UBE2E1: variants seen among roughly 807,000 people sequenced by gnomAD.
UBE2E1 encodes the protein ubiquitin-conjugating enzyme E2 E1.
In UBE2E1, 6 loss-of-function variants were observed where a neutral mutation model predicts 21.4. The observed-to-expected ratio is 0.28, with a 90% CI of 0.15 to 0.55. UBE2E1 has a LOEUF of 0.55. UBE2E1 is among the 20% of genes least tolerant of loss of function. The pLI, the probability that UBE2E1 is intolerant of heterozygous loss-of-function variation, is 0.93. For synonymous variants in UBE2E1, 87 were observed against 82.7 expected, an observed-to-expected ratio of 1.05 and a Z score of -0.28; for missense variants, 142 against 236.5, an observed-to-expected ratio of 0.60 and a Z score of 2.62.
chr3:23,815,137 C>T (rs975121890), intron 3 of UBE2E1, among the ~76,000 whole-genome samples: 7 of 152,118 alleles, frequency 4.6e-5, no homozygotes, highest in Non-Finnish European at 1.0e-4. Flanking sequence ...TTCGACACTA[C>T]ACTCGGTTAA....
rs1316874421 is a variant in UBE2E1 at position 23,853,390 on chromosome 3, G to A, written c.204-34177G>A. On this transcript the variant is annotated intron_variant, in intron 3 of 5. Transcript: ENST00000306627. The surrounding 1 kb of genome is among the most constrained non-coding windows in gnomAD (Gnocchi z 4.1). ...TTTTCTTGTCACCATTAAGTATGGTGTTGGCTGTGGGTTTATCATTAGTGT... is the reference window on the plus strand; with the variant it reads ...TTTTCTTGTCACCATTAAGTATGGTATTGGCTGTGGGTTTATCATTAGTGT... Among the ~76,000 whole-genome samples the A allele has an allele frequency of 1.3e-5, 2 of 152,208 alleles. No homozygotes were observed. Among genetic ancestry groups the A allele is most frequent in the Admixed American group, 6.5e-5 (1 of 15,284 alleles).
intron 3 of UBE2E1, among the ~76,000 whole-genome samples, chr3:23,859,772 G>A (rs868093796): frequency 6.6e-6 from 1 of 152,136 alleles, no homozygotes; most frequent in Non-Finnish European, 1.5e-5. Context: ...GTCTTCCCTG[G>A]TTTTTAAAGC....
intron 3 of UBE2E1, among the ~76,000 whole-genome samples, chr3:23,873,206 G>A (rs1389715839): frequency 1.3e-5 from 2 of 152,262 alleles, no homozygotes; most frequent in African/African-American, 4.8e-5. Flanking sequence ...AGTAAAAATG[G>A]TAAGTCATGT....
At chr3:23,890,207 G>A (rs570593152) in intron 5 of UBE2E1, among the ~76,000 whole-genome samples, 1 of 152,200 alleles carries the variant, frequency 6.6e-6, no homozygotes, top group East Asian at 1.9e-4. Context: ...AGTCTCTACT[G>A]AACTCAGCCT....
At chr3:23,832,886 A>AGGTGTGGTGGTGTGCCTG (rs1334581028) in intron 3 of UBE2E1, among the ~76,000 whole-genome samples, 3 of 151,948 alleles carry the variant, frequency 2.0e-5, no homozygotes, top group African/African-American at 7.3e-5. Context: ...ATTTTAAAAA[A>AGGTGTGGTGGTGTGCCTG]TAATCCAGGT....
rs1312695090 is a variant in UBE2E1, at chr3:23,806,529, G to A, written c.-34+441G>A. On this transcript the variant is annotated intron_variant, in intron 1 of 5. Transcript: ENST00000306627. This position sits in a 1 kb window ranked among gnomAD's most constrained non-coding sequence, Gnocchi z 6.5. ...GCCGACCCCCCCATTCCCCGCCGCA[G>A]CCCCTATCCCCCTACAGGAGTGGCG... Among the ~76,000 whole-genome samples, 1 of 151,418 alleles carries A rather than the reference G, an allele frequency of 6.6e-6. No individual in the cohort carries two copies. Among genetic ancestry groups the A allele is most frequent in the East Asian group, 2.0e-4 (1 of 5,062 alleles).
In UBE2E1 at chr3:23,848,040, C is replaced by G. The variant is rs111957265; in HGVS notation, c.203+36530C>G. 1.1e-3 allele frequency among the ~76,000 whole-genome samples: 162 copies of G among 152,166 alleles called. 2 individuals are homozygous for G. Among genetic ancestry groups the G allele is most frequent in the African/African-American group, 3.5e-3 (146 of 41,508 alleles). ...ACTTGCTGTAAACACTGTTCTGTAC[C>G]TTGGTTTTTTAACTTCAGATATCTT... On this transcript the variant is annotated intron_variant, in intron 3 of 5. Coordinates refer to ENST00000306627, the MANE Select transcript of UBE2E1 (RefSeq NM_003341.5).
intron 3 of UBE2E1, among the ~76,000 whole-genome samples, chr3:23,883,789 A>T (rs1424995584): frequency 1.3e-5 from 2 of 151,186 alleles, no homozygotes; most frequent in Non-Finnish European, 2.9e-5. Flanking sequence ...GGCGGCGCAC[A>T]CCTGTAGTCC....
chr3:23,889,360 T>C lies in UBE2E1; in HGVS notation c.484+101T>C, dbSNP rs72627059. The C allele has an allele frequency of 4.3e-3, 6,776 of 1,572,364 alleles. 159 individuals are homozygous for C. Among genetic ancestry groups the C allele is most frequent in the East Asian group, 0.041 (1,812 of 44,108 alleles). On this transcript the variant is annotated intron_variant, in intron 5 of 5. Coordinates refer to ENST00000306627, the MANE Select transcript of UBE2E1 (RefSeq NM_003341.5). ...ACAAAACTAATTTTTCTGCACAAGT[T>C]TGTGAATACAAAAACTAATCGGCTT...
intron 3 of UBE2E1, among the ~76,000 whole-genome samples, chr3:23,884,988 C>G (rs2125329299): frequency 6.6e-6 from 1 of 152,306 alleles, no homozygotes; most frequent in Middle Eastern, 3.4e-3. Context: ...GCCAGTGTCT[C>G]TAGACTTTCT....
chr3:23,833,617 G>A (rs1256003650), intron 3 of UBE2E1, among the ~76,000 whole-genome samples: 1 of 152,186 alleles, frequency 6.6e-6, no homozygotes, highest in African/African-American at 2.4e-5. Flanking sequence ...CTAGAGAGAA[G>A]ATAATTTCTT....
intron 3 of UBE2E1, among the ~76,000 whole-genome samples, chr3:23,818,051 C>A (rs1028459080): frequency 6.6e-6 from 1 of 152,012 alleles, no homozygotes; most frequent in Admixed American, 6.6e-5. Context: ...TAAGTGGTGG[C>A]CTTCAAAGTG....
chr3:23,861,871 C>T (rs1031221645), intron 3 of UBE2E1, among the ~76,000 whole-genome samples: 1 of 152,236 alleles, frequency 6.6e-6, no homozygotes, highest in African/African-American at 2.4e-5. Context: ...TTCTCCAAGC[C>T]CACATGTGAT....
Position 23,887,812 on chromosome 3 carries a change from A to G in UBE2E1, c.336+113A>G. 1 of 1,370,020 alleles carries G rather than the reference A, an allele frequency of 7.3e-7. No individual in the cohort carries two copies. The highest frequency in any genetic ancestry group is 1.5e-5 in the South Asian group (1 of 67,610). 84.9% of individuals were successfully genotyped at this position (1,370,020 alleles called of 1,614,324 possible). A position where few individuals can be genotyped will look rare whatever the true frequency, so the allele number is the denominator to read the frequency against. On this transcript the variant is annotated intron_variant, in intron 4 of 5. Transcript: ENST00000306627. The surrounding 1 kb of genome is among the most constrained non-coding windows in gnomAD (Gnocchi z 4.4). The stretch of plus-strand genomic sequence containing the variant: ...GAAACTAGATTTATCTTATGTCCTA[A>G]TAGATCTGAGTATTTTAACATATAC...
At chr3:23,888,589 G>A (rs1701255042) in intron 4 of UBE2E1, among the ~76,000 whole-genome samples, 1 of 152,186 alleles carries the variant, frequency 6.6e-6, no homozygotes, top group Non-Finnish European at 1.5e-5. Context: ...GATGTAGGTA[G>A]ACAGGATGTC....
intron 3 of UBE2E1, among the ~76,000 whole-genome samples, chr3:23,874,456 C>T (rs546651137): frequency 1.3e-5 from 2 of 152,240 alleles, no homozygotes; most frequent in South Asian, 4.2e-4. Flanking sequence ...ACTGAAGAAC[C>T]AGGACTAATA....
chr3:23,886,201 T>G (rs1365984785), intron 3 of UBE2E1, among the ~76,000 whole-genome samples: 1 of 152,152 alleles, frequency 6.6e-6, no homozygotes, highest in Non-Finnish European at 1.5e-5. Flanking sequence ...AAGACTCTGT[T>G]TCAAAAATAA....
intron 3 of UBE2E1, among the ~76,000 whole-genome samples, chr3:23,817,289 A>G (rs1201815859): frequency 4.0e-5 from 6 of 151,846 alleles, no homozygotes; most frequent in Admixed American, 1.3e-4. Flanking sequence ...GGGCGTGGTG[A>G]CGCGCGCCCG....
chr3:23,833,242 T>G (rs942723787), intron 3 of UBE2E1, among the ~76,000 whole-genome samples: 1 of 152,190 alleles, frequency 6.6e-6, no homozygotes, highest in Admixed American at 6.5e-5. Context: ...TTTTAAAATA[T>G]GAGTTTTGTG....
Sources: allele counts gnomAD v4.1 joint callset (sites outside exome capture counted in the v4.1 genomes callset), GRCh38; gene constraint gnomAD v4.1.1; non-coding constraint Gnocchi (gnomAD v3.1); transcripts MANE v1.5; gene names NCBI Gene and HGNC (gene_info 2026-07-23, HGNC 2026-07-21).